Variants in TNFSF10 observed in about 807,000 individuals in gnomAD.
TNFSF10 encodes the protein TNF superfamily member 10.
A neutral mutation model predicts 29.5 loss-of-function variants in TNFSF10; 13 were observed. That is an observed-to-expected ratio of 0.44 (90% confidence interval 0.29 to 0.70). The LOEUF (loss-of-function observed/expected upper bound fraction) is 0.70. Ranked by LOEUF, TNFSF10 falls within the 30% of genes least tolerant of loss-of-function variation. TNFSF10 has a pLI of 0.13. For missense variants in TNFSF10, 345 were observed against 330.9 expected, an observed-to-expected ratio of 1.04 and a Z score of -0.33; for synonymous variants, 111 against 112.8, an observed-to-expected ratio of 0.98 and a Z score of 0.10.
intron 1 of TNFSF10, chr3:172,518,051 A>T (rs1311517228): frequency 1.0e-6 from 1 of 995,524 alleles, no homozygotes; most frequent in Non-Finnish European, 1.2e-6. Context: ...TTATTCCAAG[A>T]ATGATAATTA....
rs1324332258 is a variant in TNFSF10, at chr3:172,523,357, G to T, written c.28C>A (p.Pro10Thr). 3.1e-6 allele frequency: 5 copies of T among 1,613,982 alleles called. No individual in the cohort carries two copies. In the Admixed American group the frequency reaches 8.3e-5, roughly 27 times the overall value. MAMMEVQGG[P>T]SLGQTCVLIV... ...AGCACGCAGGTCTGTCCCAGGCTGGGTCCCCCCTGGACCTCCATCATAGCC... is the reference window on the plus strand; with the variant it reads ...AGCACGCAGGTCTGTCCCAGGCTGGTTCCCCCCTGGACCTCCATCATAGCC... The change falls in exon 1 of 5, where the codon CCC becomes ACC. Residue 10 changes from proline (P) to threonine (T), a missense_variant. By Grantham distance (38) the Pro-to-Thr change is conservative. Transcript: ENST00000241261.
At chr3:172,522,939 T>C (rs148599800) in intron 1 of TNFSF10, among the ~76,000 whole-genome samples, 18 of 152,282 alleles carry the variant, frequency 1.2e-4, no homozygotes, top group African/African-American at 4.3e-4. Context: ...GCAGAAAGCT[T>C]TCATGAAGAG....
chr3:172,512,287 A>G (rs75501973), intron 2 of TNFSF10, among the ~76,000 whole-genome samples: 88 of 152,300 alleles, frequency 5.8e-4, no homozygotes, highest in African/African-American at 2.0e-3. Flanking sequence ...CTAAATATCT[A>G]GTAACCTCCC....
At position 172,506,596 on chromosome 3, in the gene TNFSF10, A is replaced by G; in HGVS notation, c.742T>C (p.Phe248Leu). The G allele has an allele frequency of 6.2e-7, 1 of 1,614,096 alleles. No individual in the cohort carries two copies. Among genetic ancestry groups the G allele is most frequent in the Non-Finnish European group, 8.5e-7 (1 of 1,180,012 alleles). ...ATTCTGTCATTTTCCTTAAGCTCAAATATTCCCCCTTGATAGATGGAATAG... is the reference window on the plus strand; with the variant it reads ...ATTCTGTCATTTTCCTTAAGCTCAAGTATTCCCCCTTGATAGATGGAATAG... ...GLYSIYQGGI[F>L]ELKENDRIFV... Residue 248 changes from phenylalanine (F) to leucine (L), a missense_variant, in exon 5 of 5, where the codon TTT (phenylalanine) becomes CTT (leucine). By Grantham distance (22) the Phe-to-Leu change is conservative (BLOSUM62 0). Transcript: ENST00000241261.
At position 172,506,329 on chromosome 3, in the gene TNFSF10, A is replaced by C. The variant is rs981341287; in HGVS notation, c.*163T>G. The stretch of plus-strand genomic sequence containing the variant: ...ACTTTCAGAACAGTGTGTGTTGTAG[A>C]ATTTTTTGGTTGTGGCTGCTCTACT... On this transcript the variant is annotated 3_prime_UTR_variant, in exon 5 of 5. Coordinates refer to ENST00000241261, the MANE Select transcript of TNFSF10 (RefSeq NM_003810.4). The C allele has an allele frequency of 1.1e-5, 8 of 739,072 alleles. No homozygotes were observed. Among genetic ancestry groups the C allele is most frequent in the Non-Finnish European group, 1.7e-5 (8 of 470,134 alleles). 45.8% of individuals were successfully genotyped at this position (739,072 alleles called of 1,614,324 possible).
At chr3:172,521,180 A>G (rs1431174999) in intron 1 of TNFSF10, among the ~76,000 whole-genome samples, 1 of 152,214 alleles carries the variant, frequency 6.6e-6, no homozygotes, top group Non-Finnish European at 1.5e-5. Context: ...AATTGCAACA[A>G]AAGTCAAAAT....
At chr3:172,514,246 T>G (rs540052179) in intron 2 of TNFSF10, among the ~76,000 whole-genome samples, 1 of 152,384 alleles carries the variant, frequency 6.6e-6, no homozygotes, top group African/African-American at 2.4e-5. Context: ...TTAACTAACA[T>G]GTCTCTGCTG....
intron 1 of TNFSF10, chr3:172,517,821 C>T (rs1713499818): frequency 1.4e-5 from 14 of 983,450 alleles, no homozygotes; most frequent in African/African-American, 1.7e-5. Context: ...TACCCATAAT[C>T]ATACCATCTA....
intron 1 of TNFSF10, chr3:172,517,269 C>A (rs1668386722): frequency 2.1e-6 from 2 of 933,570 alleles, no homozygotes; most frequent in African/African-American, 3.6e-5. Context: ...GCCACAGGGA[C>A]TAGCCCAGGT....
chr3:172,522,364 T>C, intron 1 of TNFSF10: 1 of 1,307,996 alleles, frequency 7.6e-7, no homozygotes, highest in Non-Finnish European at 1.1e-6. Flanking sequence ...AGTATCACAG[T>C]AACAAGGCCC....
At chr3:172,517,306 T>C in intron 1 of TNFSF10, 1 of 984,060 alleles carries the variant, frequency 1.0e-6, no homozygotes, top group Non-Finnish European at 1.2e-6. Flanking sequence ...CTAGAGCCTG[T>C]GATCCCTTCT....
rs1713488859 is a variant in TNFSF10, at chr3:172,517,600, A to G, written c.133-2602T>C. On this transcript the variant is annotated intron_variant, in intron 1 of 4. Transcript: ENST00000241261. The stretch of plus-strand genomic sequence containing the variant: ...AATAGCAGCTATATTCTCACCTCCT[A>G]CTTAACCTTTGGATGATATCTCTTG... 4.1e-6 allele frequency: 4 copies of G among 985,240 alleles called. No homozygotes were observed. In the African/African-American group the frequency reaches 7.0e-5, roughly 17 times the overall value. The allele number at this position is 985,240 out of a possible 1,614,324, so 61.0% of individuals were successfully genotyped here. A position where few individuals can be genotyped will look rare whatever the true frequency, so the allele number is the denominator to read the frequency against.
At position 172,506,163 on chromosome 3, in the gene TNFSF10, T is replaced by G; in HGVS notation, c.*329A>C. 1.7e-5 allele frequency: 4 copies of G among 232,284 alleles called. No individual in the cohort carries two copies. Among genetic ancestry groups the G allele is most frequent in the South Asian group, 9.2e-5 (1 of 10,866 alleles). 14.4% of individuals were successfully genotyped at this position (232,284 alleles called of 1,614,324 possible). On this transcript the variant is annotated 3_prime_UTR_variant, in exon 5 of 5. Transcript: ENST00000241261. ...TTTCTTCTACAGTCTTTACAAGGAG[T>G]AGATTATAAAGACAGAAGATGTTAA...
chr3:172,507,868 A>T (rs566228897), intron 4 of TNFSF10, among the ~76,000 whole-genome samples: 4 of 152,338 alleles, frequency 2.6e-5, no homozygotes, highest in Non-Finnish European at 5.9e-5. Context: ...ACAAAAATAA[A>T]GGTGAGTATT....
At chr3:172,513,822 T>C (rs1167606097) in intron 2 of TNFSF10, among the ~76,000 whole-genome samples, 1 of 148,192 alleles carries the variant, frequency 6.7e-6, no homozygotes, top group African/African-American at 2.6e-5. Context: ...TATTTTCACA[T>C]AGGCAGAAGC....
intron 4 of TNFSF10, among the ~76,000 whole-genome samples, chr3:172,508,760 G>A (rs760147103): frequency 2.0e-5 from 3 of 151,884 alleles, no homozygotes; most frequent in South Asian, 2.1e-4. Context: ...GTGGAGCTGC[G>A]TGCCTGTAAT....
intron 1 of TNFSF10, chr3:172,518,477 A>G: frequency 7.8e-7 from 1 of 1,288,104 alleles, no homozygotes; most frequent in East Asian, 5.6e-5. Flanking sequence ...TGCAAATAGC[A>G]TAAAGGATCA....
At chr3:172,508,104 A>G (rs1713063785) in intron 4 of TNFSF10, among the ~76,000 whole-genome samples, 1 of 151,976 alleles carries the variant, frequency 6.6e-6, no homozygotes, top group Non-Finnish European at 1.5e-5. Flanking sequence ...GCACTTTGGG[A>G]GGCCGGGGGG....
chr3:172,515,526 G>C (rs922932126), intron 1 of TNFSF10, among the ~76,000 whole-genome samples: 1 of 152,172 alleles, frequency 6.6e-6, no homozygotes, highest in African/African-American at 2.4e-5. Context: ...ATAGATTCTA[G>C]TTACTGATCT....
Sources: allele counts gnomAD v4.1 joint callset (sites outside exome capture counted in the v4.1 genomes callset), GRCh38; gene constraint gnomAD v4.1.1; transcripts MANE v1.5; gene names NCBI Gene and HGNC (gene_info 2026-07-23, HGNC 2026-07-21).